Variants in NRG3 observed in about 807,000 individuals in gnomAD.
NRG3 encodes the protein pro-neuregulin-3, membrane-bound isoform.
In NRG3, 31 loss-of-function variants were observed where a neutral mutation model predicts 66.9. That is an observed-to-expected ratio of 0.46 (90% confidence interval 0.35 to 0.63). The LOEUF is 0.63. Ranked by LOEUF, NRG3 falls within the 20% of genes least tolerant of loss-of-function variation. The probability of loss-of-function intolerance (pLI) is 0.00; values close to 1 mark genes in which losing one functional copy is unlikely to be tolerated. For missense variants in NRG3, 910 were observed against 878.9 expected (o/e 1.04, Z -0.45); for synonymous variants, 393 against 359.4 (o/e 1.09, Z -1.06).
At chr10:82,262,509 A>G (rs974806407) in intron 1 of NRG3, among the ~76,000 whole-genome samples, 9 of 152,178 alleles carry the variant, frequency 5.9e-5, no homozygotes, top group African/African-American at 1.9e-4. Flanking sequence ...GGCTACTCCT[A>G]TTTCCACCTG....
At chr10:82,430,029 G>A (rs1430851732) in intron 2 of NRG3, among the ~76,000 whole-genome samples, 1 of 151,998 alleles carries the variant, frequency 6.6e-6, no homozygotes, top group Non-Finnish European at 1.5e-5. Context: ...CTTTTTTATA[G>A]TTGCTAATCC....
Position 82,071,676 on chromosome 10 carries a change from G to A in NRG3, c.823+195513G>A, listed in dbSNP as rs555452017. On this transcript the variant is annotated intron_variant, in intron 1 of 8. Transcript: ENST00000372141. ...CTCAGAAAGGGATGGGAAGCTGTTG[G>A]AGGGCTTGGTTGATGAAGTGACATT... Among the ~76,000 whole-genome samples the A allele has an allele frequency of 1.6e-3, 251 of 152,260 alleles. 3 individuals are homozygous for A. Among genetic ancestry groups the A allele is most frequent in the Non-Finnish European group, 4.3e-4 (29 of 68,020 alleles).
chr10:82,795,909 G>A (rs2060781492), intron 3 of NRG3, among the ~76,000 whole-genome samples: 1 of 152,152 alleles, frequency 6.6e-6, no homozygotes, highest in South Asian at 2.1e-4. Context: ...CAGGAGTTCA[G>A]TCTGAAACAA....
intron 2 of NRG3, among the ~76,000 whole-genome samples, chr10:82,686,786 C>T (rs879742496): frequency 6.6e-6 from 1 of 152,128 alleles, no homozygotes; most frequent in Non-Finnish European, 1.5e-5. Context: ...TCCTTTTCCT[C>T]AAAAATTAGA....
At chr10:82,852,290 CA>C (rs2063597460) in intron 3 of NRG3, among the ~76,000 whole-genome samples, 1 of 151,942 alleles carries the variant, frequency 6.6e-6, no homozygotes, top group Admixed American at 6.6e-5. Flanking sequence ...CGGGGCCTGT[CA>C]GGGGCGTAGG....
chr10:82,477,116 A>G (rs7898397), intron 2 of NRG3, among the ~76,000 whole-genome samples: 151,884 of 152,160 alleles, frequency 1, 75,805 homozygotes, highest in Middle Eastern at 1. Flanking sequence ...AAATCAAAAG[A>G]GAGGCCAAGT....
intron 1 of NRG3, among the ~76,000 whole-genome samples, chr10:82,301,898 C>T (rs1230792802): frequency 6.6e-6 from 1 of 151,310 alleles, no homozygotes; most frequent in African/African-American, 2.4e-5. Context: ...TTGTGTATTT[C>T]TTTTTGGAAA....
intron 1 of NRG3, among the ~76,000 whole-genome samples, chr10:82,083,308 T>C (rs2065504272): frequency 6.6e-6 from 1 of 151,924 alleles, no homozygotes; most frequent in South Asian, 2.1e-4. Flanking sequence ...ACATAATTGC[T>C]ATAATATTAA....
intron 2 of NRG3, among the ~76,000 whole-genome samples, chr10:82,593,782 A>G (rs997063805): frequency 1.8e-4 from 28 of 152,004 alleles, no homozygotes; most frequent in African/African-American, 6.0e-4. Context: ...TAAATATTAC[A>G]TACTGACATA....
intron 1 of NRG3, among the ~76,000 whole-genome samples, chr10:82,079,299 A>C (rs1355477912): frequency 6.6e-6 from 1 of 152,040 alleles, no homozygotes; most frequent in Non-Finnish European, 1.5e-5. Context: ...CAGCCTCCCA[A>C]AGTGCTGGGA....
intron 1 of NRG3, among the ~76,000 whole-genome samples, chr10:81,958,085 A>ACAG (rs1186524720): frequency 6.6e-6 from 1 of 152,204 alleles, no homozygotes; most frequent in African/African-American, 2.4e-5. Flanking sequence ...GACACATACT[A>ACAG]CAGCAGGGAA....
intron 1 of NRG3, chr10:82,232,565 A>C (rs2076536298): frequency 7.1e-6 from 4 of 559,656 alleles, no homozygotes; most frequent in Non-Finnish European, 1.3e-5. Flanking sequence ...CAGACTTCTG[A>C]CCGTTTTTCT....
chr10:82,090,530 A>G (rs2065965008), intron 1 of NRG3, among the ~76,000 whole-genome samples: 1 of 152,232 alleles, frequency 6.6e-6, no homozygotes, highest in Non-Finnish European at 1.5e-5. Context: ...AGGTGATTCC[A>G]TTGTTTTTTA....
chr10:82,625,927 A>G (rs1244063976), intron 2 of NRG3, among the ~76,000 whole-genome samples: 2 of 152,188 alleles, frequency 1.3e-5, no homozygotes, highest in South Asian at 2.1e-4. Context: ...TCAAATGTGC[A>G]TTGGAAATCA....
chr10:82,166,188 A>G (rs1281461657), intron 1 of NRG3, among the ~76,000 whole-genome samples: 2 of 151,756 alleles, frequency 1.3e-5, no homozygotes, highest in Non-Finnish European at 2.9e-5. Flanking sequence ...ACGCCCGGCT[A>G]ATTTTGTATT....
At chr10:82,630,212 G>T (rs1330016755) in intron 2 of NRG3, among the ~76,000 whole-genome samples, 1 of 152,090 alleles carries the variant, frequency 6.6e-6, no homozygotes, top group African/African-American at 2.4e-5. Context: ...AGAAGAAAAT[G>T]GGAGGCGCCA....
intron 1 of NRG3, among the ~76,000 whole-genome samples, chr10:82,194,396 G>A (rs1294828524): frequency 6.6e-6 from 1 of 152,180 alleles, no homozygotes; most frequent in Non-Finnish European, 1.5e-5. Flanking sequence ...TGCAAGGTGG[G>A]AGGTGGAGTG....
chr10:82,577,935 C>T (rs1266721221), intron 2 of NRG3, among the ~76,000 whole-genome samples: 1 of 151,596 alleles, frequency 6.6e-6, no homozygotes, highest in African/African-American at 2.4e-5. Flanking sequence ...TCTCAGGAAA[C>T]TGATCACGAC....
chr10:82,077,916 G>A (rs2065178094), intron 1 of NRG3, among the ~76,000 whole-genome samples: 1 of 152,102 alleles, frequency 6.6e-6, no homozygotes, highest in Non-Finnish European at 1.5e-5. Context: ...ATACAGCTAA[G>A]AGGCATGGAG....
Sources: gnomAD v4.1 joint callset for allele counts (sites outside exome capture counted in the v4.1 genomes callset) on GRCh38, gnomAD v4.1.1 for gene constraint, MANE v1.5 for transcripts, NCBI Gene and HGNC (gene_info 2026-07-23, HGNC 2026-07-21) for gene names.